TXNRD2: variants seen among roughly 807,000 people sequenced by gnomAD.
TXNRD2 encodes the protein thioredoxin reductase 2, mitochondrial.
A neutral mutation model predicts 70.8 loss-of-function variants in TXNRD2; 67 were observed. The ratio of observed to expected loss-of-function variants is 0.95; its 90% confidence interval spans 0.78 to 1.16. The LOEUF (loss-of-function observed/expected upper bound fraction) is 1.16, where lower values mean the gene tolerates loss of function less well. Ranked by LOEUF, TXNRD2 falls within the 50% of genes most tolerant of loss-of-function variation. The pLI, the probability that TXNRD2 is intolerant of heterozygous loss-of-function variation, is 0.00. For synonymous variants in TXNRD2, 301 were observed against 295.8 expected (o/e 1.02, Z -0.18); for missense variants, 644 against 719.9 (o/e 0.89, Z 1.21).
chr22:19,905,777 C>T (rs1465716339), intron 8 of TXNRD2, among the ~76,000 whole-genome samples: 2 of 151,930 alleles, frequency 1.3e-5, no homozygotes, highest in Non-Finnish European at 2.9e-5. Flanking sequence ...CTCAGGACGC[C>T]GAGTGAGAAC....
At chr22:19,892,063 G>A (rs886604811) in intron 11 of TXNRD2, among the ~76,000 whole-genome samples, 7 of 152,252 alleles carry the variant, frequency 4.6e-5, no homozygotes, top group African/African-American at 1.4e-4. Context: ...CACCGGGCAC[G>A]GAGGCATCCC....
At chr22:19,898,941 C>G in intron 9 of TXNRD2, 108 bp downstream of exon 9, 3 of 1,430,642 alleles carry the variant, frequency 2.1e-6, no homozygotes, top group Middle Eastern at 3.6e-4. Context: ...CAGTAAGTGC[C>G]GATCTGAGGC....
At chr22:19,887,993 G>A (rs181585824) in intron 11 of TXNRD2, 2 of 152,954 alleles carry the variant, frequency 1.3e-5, no homozygotes, top group African/African-American at 4.8e-5. Context: ...GGGGCTGATG[G>A]GCCCAACAAA....
chr22:19,897,795 CT>C (rs1365272882), intron 10 of TXNRD2, among the ~76,000 whole-genome samples: 3 of 152,242 alleles, frequency 2.0e-5, no homozygotes, highest in Admixed American at 6.5e-5. Context: ...CTGAGCCTCC[CT>C]TCACTGTGCC....
intron 11 of TXNRD2, among the ~76,000 whole-genome samples, chr22:19,888,276 C>T (rs972701466): frequency 7.2e-5 from 11 of 152,148 alleles, no homozygotes; most frequent in African/African-American, 2.7e-4. Context: ...TGTCAATGGC[C>T]CAGGAGATGG....
At chr22:19,919,956 G>A (rs183693345) in intron 2 of TXNRD2, among the ~76,000 whole-genome samples, 11 of 152,244 alleles carry the variant, frequency 7.2e-5, no homozygotes, top group East Asian at 3.9e-4. Flanking sequence ...GCATGTTCAC[G>A]TTCACCATAA....
chr22:19,879,964 G>A (rs894120495), intron 14 of TXNRD2, among the ~76,000 whole-genome samples: 1 of 152,180 alleles, frequency 6.6e-6, no homozygotes, highest in Non-Finnish European at 1.5e-5. Flanking sequence ...AGAGACCAGA[G>A]GCACCTAAGC....
intron 14 of TXNRD2, 47 bp from the exon 15 acceptor site, chr22:19,878,484 C>T (rs775159406): frequency 5.2e-6 from 8 of 1,538,912 alleles, no homozygotes; most frequent in Non-Finnish European, 7.2e-6. Context: ...ACAAACAAAC[C>T]TCGTGGCACC....
At chr22:19,899,021 C>T (rs373116092) in intron 9 of TXNRD2, 28 bp downstream of exon 9, 49 of 1,604,808 alleles carry the variant, frequency 3.1e-5, no homozygotes, top group Admixed American at 1.0e-4. Flanking sequence ...GTTCCCAGGA[C>T]GGCCACCTGC....
At chr22:19,922,925 G>A (rs947239788) in intron 2 of TXNRD2, among the ~76,000 whole-genome samples, 1 of 152,104 alleles carries the variant, frequency 6.6e-6, no homozygotes, top group Admixed American at 6.5e-5. Context: ...CTGATCTCAT[G>A]ATCCGCCCAC....
rs1179572807 is a variant in TXNRD2 at position 19,897,727 on chromosome 22, G to A, written c.774+312C>T. ...GGCTAACACTTCTGCAGCACACACC[G>A]GCCTCTTACTAATGGGACGACCCGG... On this transcript the variant is annotated intron_variant, in intron 10 of 17. Transcript: ENST00000400521. 7.2e-5 allele frequency among the ~76,000 whole-genome samples: 11 copies of A among 152,292 alleles called. No homozygotes were observed. The South Asian group carries it at 1.9e-3, about 26-fold the overall frequency.
chr22:19,919,999 A>G (rs1940834886), intron 2 of TXNRD2, among the ~76,000 whole-genome samples: 1 of 152,118 alleles, frequency 6.6e-6, no homozygotes. Context: ...CCTGGGTGGC[A>G]TCCCCCAGGT....
At chr22:19,881,125 C>G in intron 12 of TXNRD2, 1 of 457,684 alleles carries the variant, frequency 2.2e-6, no homozygotes, top group Non-Finnish European at 3.8e-6. Context: ...GACCCCAAAG[C>G]GTTCCATGTG....
Position 19,899,087 on chromosome 22 carries a change from G to A in TXNRD2, c.663-19C>T. The stretch of plus-strand genomic sequence containing the variant: ...CACCAACCTGTTAGAGAAACAGAGA[G>A]AGAGCACATGTAAAGCTGAGGCCCT... On this transcript the variant is annotated intron_variant, in intron 8 of 17. Coordinates refer to ENST00000400521, the MANE Select transcript of TXNRD2 (RefSeq NM_006440.5). 6.2e-7 allele frequency: 1 copy of A among 1,607,272 alleles called. No homozygotes were observed. Among genetic ancestry groups the A allele is most frequent in the Non-Finnish European group, 8.5e-7 (1 of 1,179,930 alleles).
intron 8 of TXNRD2, among the ~76,000 whole-genome samples, chr22:19,900,696 G>A (rs544043801): frequency 4.6e-4 from 69 of 151,410 alleles, no homozygotes; most frequent in African/African-American, 1.6e-3. Flanking sequence ...CTTGCAGTGA[G>A]CCAAGATCGT....
chr22:19,913,429 C>G (rs1256092719), intron 7 of TXNRD2, among the ~76,000 whole-genome samples: 1 of 152,126 alleles, frequency 6.6e-6, no homozygotes, highest in East Asian at 1.9e-4. Context: ...TTTCAAAGCC[C>G]CCCCACAAAG....
intron 8 of TXNRD2, among the ~76,000 whole-genome samples, chr22:19,902,090 G>T (rs911181370): frequency 6.6e-6 from 1 of 152,134 alleles, no homozygotes; most frequent in Non-Finnish European, 1.5e-5. Flanking sequence ...CCGGCTACTC[G>T]GGAGGCTGAG....
chr22:19,920,145 C>A (rs1369088967), intron 2 of TXNRD2, among the ~76,000 whole-genome samples: 2 of 152,214 alleles, frequency 1.3e-5, no homozygotes, highest in African/African-American at 2.4e-5. Context: ...AGTGACGCAG[C>A]AGCCCCAGGG....
intron 8 of TXNRD2, among the ~76,000 whole-genome samples, chr22:19,899,781 G>A (rs1939688677): frequency 6.6e-6 from 1 of 152,198 alleles, no homozygotes; most frequent in Non-Finnish European, 1.5e-5. Context: ...GGGCACAAAT[G>A]TACACACACA....
Sources: allele counts gnomAD v4.1 joint callset (sites outside exome capture counted in the v4.1 genomes callset), GRCh38; gene constraint gnomAD v4.1.1; transcripts MANE v1.5; gene names NCBI Gene and HGNC (gene_info 2026-07-23, HGNC 2026-07-21).